PAK6: variants seen among roughly 807,000 people sequenced by gnomAD.
The protein encoded by PAK6 is p21 (RAC1) activated kinase 6.
In PAK6, 33 loss-of-function variants were observed where a neutral mutation model predicts 60.8. The ratio of observed to expected loss-of-function variants is 0.54; its 90% CI spans 0.41 to 0.73. The LOEUF is 0.73. Ranked by LOEUF, PAK6 falls within the 30% of genes least tolerant of loss-of-function variation. PAK6 has a pLI of 0.00. For missense variants in PAK6, 845 were observed against 904.1 expected (o/e 0.93, Z 0.84); for synonymous variants, 404 against 378.5 (o/e 1.07, Z -0.78).
intron 10 of PAK6, among the ~76,000 whole-genome samples, chr15:40,275,280 G>GTTTTTTTTTTTTTTGTTTTTTTTTTTT (rs1555389202): frequency 1.8e-5 from 1 of 56,486 alleles, no homozygotes; most frequent in Non-Finnish European, 3.1e-5. Flanking sequence ...GTTGTTGTTG[G>GTTTTTTTTTTTTTTGTTTTTTTTTTTT]TTTTTTTTTT....
chr15:40,249,057 G>A (rs1279705180), intron 2 of PAK6, among the ~76,000 whole-genome samples: 2 of 152,182 alleles, frequency 1.3e-5, no homozygotes, highest in African/African-American at 4.8e-5. Context: ...CAAGAGCAAG[G>A]TGCTGGCAGA....
At chr15:40,244,329 CAAAA>C (rs371932572) in intron 2 of PAK6, among the ~76,000 whole-genome samples, 3 of 110,692 alleles carry the variant, frequency 2.7e-5, no homozygotes, top group Non-Finnish European at 1.8e-5. Flanking sequence ...GACTCTGTCT[CAAAA>C]AAAAAAAAAA....
At chr15:40,272,201 T>G (rs1157029657) in intron 5 of PAK6, 23 bp from the exon 6 acceptor site, 1 of 1,593,572 alleles carries the variant, frequency 6.3e-7, no homozygotes, top group East Asian at 2.2e-5. Flanking sequence ...GCCCTGACCC[T>G]TCCTGTTGCT....
chr15:40,241,350 G>A (rs1440374430), intron 2 of PAK6, among the ~76,000 whole-genome samples: 1 of 152,198 alleles, frequency 6.6e-6, no homozygotes, highest in African/African-American at 2.4e-5. Flanking sequence ...TCTGCCTGGG[G>A]TCTTCCTGAG....
chr15:40,241,526 C>A (rs575128279), intron 2 of PAK6, among the ~76,000 whole-genome samples: 1 of 152,108 alleles, frequency 6.6e-6, no homozygotes, highest in South Asian at 2.1e-4. Flanking sequence ...GCTTCCCTGG[C>A]GGTTGTCCTG....
At chr15:40,265,110 T>C in intron 4 of PAK6, 121 bp downstream of exon 4, 1 of 900,578 alleles carries the variant, frequency 1.1e-6, no homozygotes, top group Middle Eastern at 3.5e-4. Flanking sequence ...GTTAATCAGC[T>C]GTTTTAACTC....
chr15:40,272,490 T>C (rs2140991852), exon 6 of PAK6: 1 of 1,613,760 alleles, frequency 6.2e-7, no homozygotes. Context: ...TTGCCAAGGG[T>C]GCCCTGGCTG....
Position 40,273,251 on chromosome 15 carries a change from G to A in PAK6, c.1491-95G>A. The stretch of plus-strand genomic sequence containing the variant: ...CAAACAGATTGCCTGGGAGCTGTGG[G>A]GCCTAGCACCAGGGACTCCTACTCT... On this transcript the variant is annotated intron_variant, in intron 7 of 10. Transcript: ENST00000560346. The A allele has an allele frequency of 3.5e-6, 5 of 1,434,832 alleles. No homozygotes were observed. In the South Asian group the frequency reaches 5.2e-5, roughly 15 times the overall value. 88.9% of individuals were successfully genotyped at this position (1,434,832 alleles called of 1,614,324 possible).
At chr15:40,266,652 G>C in intron 5 of PAK6, 157 bp downstream of exon 5, 1 of 610,326 alleles carries the variant, frequency 1.6e-6, no homozygotes, top group Non-Finnish European at 2.6e-6. Flanking sequence ...TCTCTAAGGA[G>C]GGTGGCTCGC....
At chr15:40,241,271 G>A (rs2038322403) in intron 2 of PAK6, among the ~76,000 whole-genome samples, 1 of 152,172 alleles carries the variant, frequency 6.6e-6, no homozygotes, top group South Asian at 2.1e-4. Context: ...CCACCGGGAA[G>A]CAAGGCTAAC....
chr15:40,271,708 C>T (rs529000977), intron 5 of PAK6, among the ~76,000 whole-genome samples: 2 of 151,476 alleles, frequency 1.3e-5, no homozygotes, highest in Admixed American at 6.5e-5. Flanking sequence ...GGTGTGGCTC[C>T]CCTGCCTTGG....
chr15:40,256,418 A>C (rs927171409), intron 3 of PAK6, among the ~76,000 whole-genome samples: 2 of 152,194 alleles, frequency 1.3e-5, no homozygotes, highest in African/African-American at 2.4e-5. Flanking sequence ...CAAAGAGGTC[A>C]AGAAACCCTG....
At chr15:40,247,058 G>C (rs931336855) in intron 2 of PAK6, 7 of 152,374 alleles carry the variant, frequency 4.6e-5, no homozygotes, top group African/African-American at 1.7e-4. Flanking sequence ...TCAGGCACAG[G>C]CCTCCACTCC....
chr15:40,256,734 C>G (rs2038844509), intron 3 of PAK6: 1 of 152,224 alleles, frequency 6.6e-6, no homozygotes. Context: ...TTAGTCTCTC[C>G]TTCTCTGCAT....
intron 5 of PAK6, among the ~76,000 whole-genome samples, chr15:40,267,291 C>T (rs1231955256): frequency 6.6e-6 from 1 of 152,120 alleles, no homozygotes; most frequent in Non-Finnish European, 1.5e-5. Context: ...CCAGCCTGCA[C>T]AGGGTGTGGG....
chr15:40,264,898 C>T lies in PAK6; in HGVS notation c.113C>T (p.Pro38Leu), dbSNP rs142256590. 188 of 1,613,954 alleles carry T rather than the reference C, an allele frequency of 1.2e-4. 1 individual carries two copies. In the South Asian group the frequency reaches 1.4e-3, roughly 12 times the overall value. ...GAAGGCAAGTTTGTGGGCCTCCCCC[C>T]ACAATGGCAGAACATCCTGGACACA... The change falls in exon 4 of 11, where the codon CCA becomes CTA. Residue 38 changes from proline to leucine, a missense_variant. Coordinates refer to ENST00000560346, the Ensembl canonical transcript of PAK6.
chr15:40,252,643 C>G, intron 2 of PAK6: 1 of 1,330,876 alleles, frequency 7.5e-7, no homozygotes, highest in Non-Finnish European at 9.9e-7. Flanking sequence ...GGAGGGCGGG[C>G]CCGGCTCCCA....
chr15:40,268,493 T>C (rs1432303846), intron 5 of PAK6, among the ~76,000 whole-genome samples: 1 of 152,054 alleles, frequency 6.6e-6, no homozygotes, highest in Non-Finnish European at 1.5e-5. Flanking sequence ...GCCTTCCTCC[T>C]CCTCCTCCAC....
chr15:40,266,590 G>C (rs1447783171), intron 5 of PAK6, 95 bp downstream of exon 5: 3 of 1,290,282 alleles, frequency 2.3e-6, no homozygotes, highest in African/African-American at 1.5e-5. Context: ...TGGCAAAGAG[G>C]CTCCCTGGAC....
Sources: gnomAD v4.1 joint callset for allele counts (sites outside exome capture counted in the v4.1 genomes callset) on GRCh38, gnomAD v4.1.1 for gene constraint, MANE v1.5 for transcripts, NCBI Gene and HGNC (gene_info 2026-07-23, HGNC 2026-07-21) for gene names.